The following CACNA1I variants were observed in gnomAD, a reference collection of about 807,000 sequenced individuals.
CACNA1I encodes calcium voltage-gated channel subunit alpha1 I.
In CACNA1I, 74 loss-of-function variants were observed where a neutral mutation model predicts 201.6. That is an observed-to-expected ratio of 0.37 (90% CI 0.30 to 0.45). CACNA1I has a LOEUF of 0.45. CACNA1I is among the 20% of genes least tolerant of loss of function. The pLI, the probability that CACNA1I is intolerant of heterozygous loss-of-function variation, is 1.00. For synonymous variants in CACNA1I, 1,431 were observed against 1,345.2 expected, an observed-to-expected ratio of 1.06 and a Z score of -1.40; for missense variants, 2,346 against 3,138.1, an observed-to-expected ratio of 0.75 and a Z score of 6.03.
At chr22:39,618,613 G>T (rs1601465243) in intron 3 of CACNA1I, among the ~76,000 whole-genome samples, 1 of 152,004 alleles carries the variant, frequency 6.6e-6, no homozygotes, top group Non-Finnish European at 1.5e-5. Context: ...TGTGCAGCAT[G>T]TAGGAAAAGC....
Position 39,677,466 on chromosome 22 carries a change from GC to G in CACNA1I, c.4933+48del. ...CCCGTGGTGGGGGTGCAGCAGGGCT[GC>G]AGGAGGAACTGGGGGGGCGGGGGAG... is the stretch of plus-strand genomic sequence containing the variant. On this transcript the variant is annotated intron_variant, in intron 30 of 36. Coordinates refer to ENST00000402142, the MANE Select transcript of CACNA1I (RefSeq NM_021096.4). The surrounding 1 kb of genome is among the most constrained non-coding windows in gnomAD (Gnocchi z 4.8). 7.3e-7 allele frequency: 1 copy of G among 1,363,154 alleles called. No individual in the cohort carries two copies. The highest frequency in any genetic ancestry group is 9.9e-7 in the Non-Finnish European group (1 of 1,010,952). The allele number at this position is 1,363,154 out of a possible 1,614,324, so 84.4% of individuals were successfully genotyped here.
chr22:39,679,773 G>C lies in CACNA1I; in HGVS notation c.5446G>C (p.Gly1816Arg). The C allele has an allele frequency of 1.2e-6, 2 of 1,613,006 alleles. No homozygotes were observed. The highest frequency in any genetic ancestry group is 8.5e-7 in the Non-Finnish European group (1 of 1,179,596). The change falls in exon 33 of 37, where the codon GGG (glycine) becomes CGG (arginine). Residue 1816 changes from glycine (G) to arginine (R), a missense_variant. By Grantham distance (125) the Gly-to-Arg change is moderately radical. Around this residue, in one of 13 missense-constraint regions of CACNA1I, gnomAD observed 441 missense variants for 555.6 expected, o/e 0.79. Transcript: ENST00000402142. ...TTTAATCATCAAGGACTCCTTGGAG[G>C]GGGAGCTGACCATCATCGACAACCT... is the stretch of plus-strand genomic sequence containing the variant. ...VSLIIKDSLE[G>R]ELTIIDNLSG...
intron 1 of CACNA1I, chr22:39,587,650 C>G (rs1932770890): frequency 2.5e-6 from 1 of 408,016 alleles, no homozygotes; most frequent in South Asian, 1.8e-5. Flanking sequence ...TGACTGTGTC[C>G]TTGGGCAAGG....
rs1935885670 is a variant in CACNA1I at position 39,686,551 on chromosome 22, G to A, written c.*146G>A. The A allele has an allele frequency of 1.9e-6, 1 of 523,608 alleles. No individual in the cohort carries two copies. The highest frequency in any genetic ancestry group is 2.8e-6 in the Non-Finnish European group (1 of 358,896). 32.4% of individuals were successfully genotyped at this position (523,608 alleles called of 1,614,324 possible). A position where few individuals can be genotyped will look rare whatever the true frequency, so the allele number is the denominator to read the frequency against. On this transcript the variant is annotated 3_prime_UTR_variant, in exon 37 of 37. Transcript: ENST00000402142. ...AGGCGCCCGACAGCCGGGCTGAGCG[G>A]AGTCTGGGTTAGCCAGGCCTGCGTG...
Position 39,600,570 on chromosome 22 carries a change from G to A in CACNA1I, c.399G>A (p.Lys133=). 2 of 1,612,486 alleles carry A rather than the reference G, an allele frequency of 1.2e-6. No individual in the cohort carries two copies. Among genetic ancestry groups the A allele is most frequent in the Non-Finnish European group, 1.7e-6 (2 of 1,179,268 alleles). ...TCTTTGCCATGGAGATGGTGCTCAA[G>A]ATGGTGGCCCTGGGGATTTTTGGCA... ...FIFFAMEMVL[K]MVALGIFGKK... Residue 133 remains lysine, a synonymous_variant, in exon 3 of 37, where the codon AAG becomes AAA. Coordinates refer to ENST00000402142, the MANE Select transcript of CACNA1I (RefSeq NM_021096.4).
chr22:39,620,254 TCC>T (rs1423038263), intron 4 of CACNA1I, among the ~76,000 whole-genome samples: 20 of 134,670 alleles, frequency 1.5e-4, no homozygotes, highest in African/African-American at 5.3e-4. Flanking sequence ...CATCCATCCA[TCC>T]ATCCATCCAT....
chr22:39,678,890 A>G (rs1347237767), intron 31 of CACNA1I, among the ~76,000 whole-genome samples: 1 of 152,056 alleles, frequency 6.6e-6, no homozygotes, highest in African/African-American at 2.4e-5. Flanking sequence ...AGAGGAGGAG[A>G]GGGCGCTGGG....
chr22:39,626,837 C>T (rs1255860939), intron 4 of CACNA1I, among the ~76,000 whole-genome samples: 4 of 152,136 alleles, frequency 2.6e-5, no homozygotes, highest in South Asian at 4.1e-4. Context: ...CCTTGAGATC[C>T]GCCTGATAAG....
chr22:39,626,260 G>A (rs947014077), intron 4 of CACNA1I, among the ~76,000 whole-genome samples: 2 of 152,232 alleles, frequency 1.3e-5, no homozygotes, highest in African/African-American at 4.8e-5. Flanking sequence ...ATGTCCATCT[G>A]GTTAGGAAGG....
Position 39,665,769 on chromosome 22 carries a change from G to A in CACNA1I, c.3979-112G>A. ...TCCTCCAGGGAGGGAGACAGACATG[G>A]GCCCAGATGACTGAGCACAAGACAG... is the stretch of plus-strand genomic sequence containing the variant. On this transcript the variant is annotated intron_variant, in intron 22 of 36. Coordinates refer to ENST00000402142, the MANE Select transcript of CACNA1I (RefSeq NM_021096.4). This position sits in a 1 kb window ranked among gnomAD's most constrained non-coding sequence, Gnocchi z 5.5. 7 of 1,543,330 alleles carry A rather than the reference G, an allele frequency of 4.5e-6. No individual in the cohort carries two copies. Among genetic ancestry groups the A allele is most frequent in the Non-Finnish European group, 6.2e-6 (7 of 1,126,360 alleles).
chr22:39,632,360 G>A (rs1368292951), intron 4 of CACNA1I, among the ~76,000 whole-genome samples: 1 of 152,116 alleles, frequency 6.6e-6, no homozygotes, highest in Non-Finnish European at 1.5e-5. Flanking sequence ...AGACCTCCTT[G>A]CCCAGCCACC....
chr22:39,678,968 G>C lies in CACNA1I; in HGVS notation c.5056-139G>C, dbSNP rs937511103. On this transcript the variant is annotated intron_variant, in intron 31 of 36. Transcript: ENST00000402142. ...GGCAGATGCCGCAACAAGGCAGAGT[G>C]GGGCAGGGCAGCCCGGGGCCATCTC... is the stretch of plus-strand genomic sequence containing the variant. 1.1e-5 allele frequency: 7 copies of C among 640,302 alleles called. No individual in the cohort carries two copies. In the African/African-American group the frequency reaches 1.3e-4, roughly 12 times the overall value. 39.7% of individuals were successfully genotyped at this position (640,302 alleles called of 1,614,324 possible).
intron 16 of CACNA1I, 58 bp from the exon 17 acceptor site, chr22:39,661,907 G>A: frequency 1.6e-6 from 2 of 1,213,662 alleles, no homozygotes; most frequent in Non-Finnish European, 1.1e-6. Flanking sequence ...TTGGGCACCT[G>A]GTGCCCCAGC....
chr22:39,643,283 G>A (rs1195351700), intron 7 of CACNA1I, among the ~76,000 whole-genome samples: 1 of 152,234 alleles, frequency 6.6e-6, no homozygotes, highest in East Asian at 1.9e-4. Flanking sequence ...AAGACAAGAT[G>A]CCCGGAGACT....
chr22:39,592,842 C>T (rs1289023081), intron 1 of CACNA1I, among the ~76,000 whole-genome samples: 2 of 152,194 alleles, frequency 1.3e-5, no homozygotes, highest in African/African-American at 4.8e-5. Flanking sequence ...TGGCTCAAGC[C>T]GGAGACCTTG....
rs1932160981 is a variant in CACNA1I at position 39,570,914 on chromosome 22, G to T, written c.162G>T (p.Leu54=). The part of the protein sequence containing the change: ...GADPHVPHPD[L]APIAFFCLRQ... ...ATCCTCATGTCCCACACCCAGACCT[G>T]GCGCCTATTGCCTTCTTCTGCCTGC... The change falls in exon 1 of 37, where the codon CTG becomes CTT. Residue 54 remains leucine (L), a synonymous_variant. Transcript: ENST00000402142. The T allele has an allele frequency of 5.0e-6, 8 of 1,613,748 alleles. No individual in the cohort carries two copies. In the East Asian group the frequency reaches 1.8e-4, roughly 36 times the overall value.
intron 1 of CACNA1I, among the ~76,000 whole-genome samples, chr22:39,587,370 G>A (rs1932766223): frequency 6.6e-6 from 1 of 152,152 alleles, no homozygotes; most frequent in South Asian, 2.1e-4. Flanking sequence ...CCTTGTCGCT[G>A]GAGGCATGTA....
chr22:39,610,030 G>T (rs3788567), intron 3 of CACNA1I, among the ~76,000 whole-genome samples: 48,495 of 152,148 alleles, frequency 0.32, 9,710 homozygotes, highest in East Asian at 0.84. Context: ...CAATCACTTG[G>T]ATGCCCAGAA....
At chr22:39,664,305 C>T (rs577169702) in intron 20 of CACNA1I, 146 bp downstream of exon 20, 98 of 657,578 alleles carry the variant, frequency 1.5e-4, no homozygotes, top group Non-Finnish European at 2.3e-4. Context: ...GTGCCAGCCC[C>T]GGGGCTGGGC....
Sources: allele counts gnomAD v4.1 joint callset (sites outside exome capture counted in the v4.1 genomes callset), GRCh38; gene constraint gnomAD v4.1.1; regional missense constraint gnomAD v4.1.1; non-coding constraint Gnocchi (gnomAD v3.1); transcripts MANE v1.5; gene names NCBI Gene and HGNC (gene_info 2026-07-23, HGNC 2026-07-21).